MAP2: variants seen among roughly 807,000 people sequenced by gnomAD.
MAP2 encodes the protein microtubule-associated protein 2.
In MAP2, 14 loss-of-function variants were observed where a neutral mutation model predicts 137.6. That is an observed-to-expected ratio of 0.10 (90% CI 0.07 to 0.16). The LOEUF is 0.16. Among genes scored for constraint, MAP2 ranks in the 10% least tolerant of loss-of-function variants. The probability of loss-of-function intolerance (pLI) is 1.00; values close to 1 mark genes in which losing one functional copy is unlikely to be tolerated. For missense variants in MAP2, 2,088 were observed against 2,191.5 expected (o/e 0.95, Z 0.94); for synonymous variants, 786 against 782.3 (o/e 1.00, Z -0.08).
At chr2:209,553,051 G>A (rs145450270) in intron 2 of MAP2, among the ~76,000 whole-genome samples, 21 of 150,574 alleles carry the variant, frequency 1.4e-4, no homozygotes, top group African/African-American at 3.9e-4. Flanking sequence ...TCACTCTGTC[G>A]CCCAGGCTGG....
At chr2:209,483,151 A>G in intron 1 of MAP2, among the ~76,000 whole-genome samples, 1 of 152,192 alleles carries the variant, frequency 6.6e-6, no homozygotes, top group African/African-American at 2.4e-5. Context: ...TTTTCTTAAC[A>G]TGAATTTTGT....
rs866318538 is a variant in MAP2, at chr2:209,583,735, A to G, written c.-107+3635A>G. Among the ~76,000 whole-genome samples the G allele has an allele frequency of 2.6e-5, 4 of 151,736 alleles. No homozygotes were observed. The South Asian group carries it at 8.4e-4, about 32-fold the overall frequency. ...CAAAATAAGATGAGGAAGTAGTACCAAGGCTCACTGGTACCGTAAGAGAGA... is the reference window on the plus strand; with the variant it reads ...CAAAATAAGATGAGGAAGTAGTACCGAGGCTCACTGGTACCGTAAGAGAGA... On this transcript the variant is annotated intron_variant, in intron 3 of 15. Coordinates refer to ENST00000682079, the MANE Select transcript of MAP2 (RefSeq NM_001375505.1).
Position 209,498,660 on chromosome 2 carries a change from G to A in MAP2, c.-221-8932G>A, listed in dbSNP as rs563994736. ...ATTCACTCTTGCACTCTGTGCACCC[G>A]CAGGCTTAACAACACATGGAGGCTG... On this transcript the variant is annotated intron_variant, in intron 1 of 15. Transcript: ENST00000682079. Among the ~76,000 whole-genome samples, 52 of 152,314 alleles carry A rather than the reference G, an allele frequency of 3.4e-4. 1 individual carries two copies. The South Asian group carries it at 8.1e-3, about 24-fold the overall frequency.
At chr2:209,505,866 G>A (rs114370968) in intron 1 of MAP2, among the ~76,000 whole-genome samples, 229 of 152,090 alleles carry the variant, frequency 1.5e-3, no homozygotes, top group Admixed American at 2.4e-3. Context: ...CAGCTACTAC[G>A]GAGGCTGAGG....
intron 1 of MAP2, among the ~76,000 whole-genome samples, chr2:209,442,477 T>G (rs535263308): frequency 2.5e-4 from 38 of 151,764 alleles, no homozygotes; most frequent in African/African-American, 9.2e-4. Context: ...GAGATTTTAT[T>G]AGCAAGTAAA....
At chr2:209,635,398 T>C (rs2093462732) in intron 4 of MAP2, among the ~76,000 whole-genome samples, 2 of 152,124 alleles carry the variant, frequency 1.3e-5, no homozygotes, top group East Asian at 1.9e-4. Context: ...TAAGGAAAAA[T>C]GAAGAGTAAA....
At chr2:209,442,003 T>C (rs1420820768) in intron 1 of MAP2, among the ~76,000 whole-genome samples, 1 of 151,554 alleles carries the variant, frequency 6.6e-6, no homozygotes, top group East Asian at 1.9e-4. Context: ...TATACATGTT[T>C]CCTCAGGATT....
intron 7 of MAP2, among the ~76,000 whole-genome samples, chr2:209,686,381 C>T (rs376232483): frequency 2.6e-5 from 4 of 152,252 alleles, no homozygotes; most frequent in South Asian, 4.1e-4. Context: ...TTCTAGTTGT[C>T]AGCACTTGGT....
chr2:209,617,878 T>A (rs2090013611), intron 3 of MAP2, among the ~76,000 whole-genome samples: 1 of 152,174 alleles, frequency 6.6e-6, no homozygotes, highest in African/African-American at 2.4e-5. Flanking sequence ...TGTACGTATA[T>A]GGTTTAACAT....
At chr2:209,704,456 A>C (rs1390861774) in intron 11 of MAP2, 1 of 1,604,624 alleles carries the variant, frequency 6.2e-7, no homozygotes, top group African/African-American at 1.3e-5. Context: ...CTAGAATTCT[A>C]CCTTGTCAAA....
intron 4 of MAP2, among the ~76,000 whole-genome samples, chr2:209,640,880 C>CTTTT (rs71043944): frequency 7.3e-6 from 1 of 137,398 alleles, no homozygotes; most frequent in African/African-American, 2.7e-5. Flanking sequence ...ATTATCTATT[C>CTTTT]TTTTTTTTTT....
chr2:209,512,558 C>T (rs894163940), intron 2 of MAP2, among the ~76,000 whole-genome samples: 18 of 14,070 alleles, frequency 1.3e-3, no homozygotes, highest in African/African-American at 4.5e-3. Flanking sequence ...AGAAGTTATA[C>T]ACACACACAC....
At chr2:209,488,319 C>G (rs994384760) in intron 1 of MAP2, among the ~76,000 whole-genome samples, 6 of 152,152 alleles carry the variant, frequency 3.9e-5, no homozygotes, top group Admixed American at 3.9e-4. Flanking sequence ...GGTGCCTATA[C>G]CACAAAGGCC....
chr2:209,484,041 G>A (rs946066961), intron 1 of MAP2, among the ~76,000 whole-genome samples: 1 of 151,466 alleles, frequency 6.6e-6, no homozygotes, highest in Non-Finnish European at 1.5e-5. Context: ...GACAACTCTA[G>A]AACATTCTTA....
chr2:209,672,783 A>G (rs1429567514), intron 5 of MAP2, among the ~76,000 whole-genome samples: 3 of 151,934 alleles, frequency 2.0e-5, no homozygotes, highest in African/African-American at 7.2e-5. Context: ...AACTTGTTAT[A>G]CAAGGTTGCT....
chr2:209,473,011 C>T (rs1161385577), intron 1 of MAP2, among the ~76,000 whole-genome samples: 1 of 152,134 alleles, frequency 6.6e-6, no homozygotes, highest in Non-Finnish European at 1.5e-5. Flanking sequence ...AGACCAACAT[C>T]TTTGATGGCT....
At chr2:209,612,972 A>T (rs1307202675) in intron 3 of MAP2, among the ~76,000 whole-genome samples, 1 of 152,142 alleles carries the variant, frequency 6.6e-6, no homozygotes, top group African/African-American at 2.4e-5. Context: ...ATCAGGATCT[A>T]ATGAAACATG....
At chr2:209,619,802 A>G (rs2090596958) in intron 3 of MAP2, among the ~76,000 whole-genome samples, 1 of 152,106 alleles carries the variant, frequency 6.6e-6, no homozygotes, top group South Asian at 2.1e-4. Flanking sequence ...ATACCCATTC[A>G]TCCTTGAGAT....
chr2:209,441,373 T>A (rs1697728460), intron 1 of MAP2, among the ~76,000 whole-genome samples: 1 of 151,628 alleles, frequency 6.6e-6, no homozygotes, highest in South Asian at 2.1e-4. Context: ...TACTCATAAA[T>A]CCTTTAAATT....
Sources: allele counts gnomAD v4.1 joint callset (sites outside exome capture counted in the v4.1 genomes callset), GRCh38; gene constraint gnomAD v4.1.1; transcripts MANE v1.5; gene names NCBI Gene and HGNC (gene_info 2026-07-23, HGNC 2026-07-21).